The following GPC6 variants were observed in gnomAD, a reference collection of about 807,000 sequenced individuals.
GPC6 encodes glypican-6.
Under a neutral mutation model 55.2 loss-of-function variants are expected in GPC6, and 14 were observed. The observed-to-expected ratio is 0.25, with a 90% CI of 0.17 to 0.40. GPC6 has a LOEUF of 0.40. Among genes scored for constraint, GPC6 ranks in the 10% least tolerant of loss-of-function variants. The probability of loss-of-function intolerance (pLI) is 1.00; values close to 1 mark genes in which losing one functional copy is unlikely to be tolerated. For synonymous variants in GPC6, 278 were observed against 259.6 expected, an observed-to-expected ratio of 1.07 and a Z score of -0.68; for missense variants, 641 against 708.5, an observed-to-expected ratio of 0.90 and a Z score of 1.08.
chr13:93,970,910 T>A (rs1473887192), intron 3 of GPC6, among the ~76,000 whole-genome samples: 1 of 152,206 alleles, frequency 6.6e-6, no homozygotes, highest in Non-Finnish European at 1.5e-5. Flanking sequence ...CAAGATACAA[T>A]GTGGCAAAAT....
chr13:93,743,485 A>G (rs1302158313), intron 2 of GPC6, among the ~76,000 whole-genome samples: 1 of 152,070 alleles, frequency 6.6e-6, no homozygotes, highest in African/African-American at 2.4e-5. Flanking sequence ...ATTTTTCTCT[A>G]ATTTTCATTA....
intron 1 of GPC6, among the ~76,000 whole-genome samples, chr13:93,252,590 G>A (rs2139030307): frequency 6.6e-6 from 1 of 152,220 alleles, no homozygotes; most frequent in Non-Finnish European, 1.5e-5. Flanking sequence ...CTTGTATAGT[G>A]TTTGTCTCTT....
At chr13:93,868,833 T>C (rs1889046036) in intron 3 of GPC6, among the ~76,000 whole-genome samples, 1 of 151,850 alleles carries the variant, frequency 6.6e-6, no homozygotes, top group Admixed American at 6.6e-5. Flanking sequence ...ATCTAAGTGA[T>C]ATCTCCTCTG....
the GPC6 span, among the ~76,000 whole-genome samples, chr13:93,217,967 T>C: frequency 6.6e-6 from 1 of 152,170 alleles, no homozygotes; most frequent in South Asian, 2.1e-4. Flanking sequence ...AGTAATGTCC[T>C]CAACATTGAT....
chr13:93,274,194 T>G (rs1034510846), intron 1 of GPC6, among the ~76,000 whole-genome samples: 35 of 152,206 alleles, frequency 2.3e-4, no homozygotes, highest in African/African-American at 7.0e-4. Context: ...CACCTACAGA[T>G]GTATTCATTA....
intron 1 of GPC6, among the ~76,000 whole-genome samples, chr13:93,251,135 G>A (rs1365358082): frequency 6.6e-6 from 1 of 152,176 alleles, no homozygotes; most frequent in African/African-American, 2.4e-5. Flanking sequence ...AATGATGGGA[G>A]CTACAATTCA....
intron 2 of GPC6, among the ~76,000 whole-genome samples, chr13:93,742,951 C>T (rs1249182363): frequency 4.0e-5 from 6 of 151,552 alleles, no homozygotes; most frequent in Non-Finnish European, 5.9e-5. Flanking sequence ...TAGATCTACA[C>T]GGAGGGAGAA....
chr13:93,287,093 TG>T (rs1292077833), intron 1 of GPC6, among the ~76,000 whole-genome samples: 3 of 152,114 alleles, frequency 2.0e-5, no homozygotes, highest in Admixed American at 6.6e-5. Context: ...TGTTTAAACT[TG>T]GGTCTGACCC....
chr13:93,614,588 T>G (rs1489976898), intron 2 of GPC6, among the ~76,000 whole-genome samples: 7 of 152,204 alleles, frequency 4.6e-5, no homozygotes, highest in African/African-American at 1.7e-4. Context: ...ATGTGGTTTT[T>G]GTTAATATGA....
intron 1 of GPC6, among the ~76,000 whole-genome samples, chr13:93,364,086 G>T (rs1175015610): frequency 6.6e-6 from 1 of 152,102 alleles, no homozygotes; most frequent in Non-Finnish European, 1.5e-5. Context: ...TCTGCAGGTT[G>T]CCTGTTCACT....
chr13:94,381,639 A>G (rs1880163792), intron 6 of GPC6, among the ~76,000 whole-genome samples: 1 of 152,326 alleles, frequency 6.6e-6, no homozygotes, highest in South Asian at 2.1e-4. Flanking sequence ...AAAGAATTCA[A>G]TTCATAACAG....
chr13:93,739,330 G>T (rs1034759358), intron 2 of GPC6, among the ~76,000 whole-genome samples: 1 of 151,804 alleles, frequency 6.6e-6, no homozygotes, highest in Non-Finnish European at 1.5e-5. Flanking sequence ...TATATAAAAG[G>T]GAGTCATTTT....
intron 1 of GPC6, among the ~76,000 whole-genome samples, chr13:93,315,262 T>G (rs916230704): frequency 2.6e-5 from 4 of 152,042 alleles, no homozygotes; most frequent in Non-Finnish European, 5.9e-5. Context: ...TATGAAATTT[T>G]TTGAAGATTG....
At chr13:93,778,123 T>G (rs557119121) in intron 2 of GPC6, among the ~76,000 whole-genome samples, 1 of 152,300 alleles carries the variant, frequency 6.6e-6, no homozygotes, top group Admixed American at 6.5e-5. Context: ...CTGCTTTCCC[T>G]GCTAAATCTG....
intron 1 of GPC6, among the ~76,000 whole-genome samples, chr13:93,321,341 C>G (rs553978768): frequency 6.6e-6 from 1 of 152,180 alleles, no homozygotes; most frequent in Admixed American, 6.5e-5. Flanking sequence ...CCCTTCCCTC[C>G]CCTCCATTTT....
At chr13:94,081,391 T>A (rs1282536720) in intron 4 of GPC6, among the ~76,000 whole-genome samples, 1 of 152,198 alleles carries the variant, frequency 6.6e-6, no homozygotes, top group Non-Finnish European at 1.5e-5. Context: ...TCATGAACAC[T>A]GAAATTCCCA....
At chr13:93,624,657 T>G (rs1429813244) in intron 2 of GPC6, among the ~76,000 whole-genome samples, 2 of 152,154 alleles carry the variant, frequency 1.3e-5, no homozygotes, top group Non-Finnish European at 2.9e-5. Flanking sequence ...AAAAAATAAA[T>G]TATGGTAATG....
chr13:94,114,652 CA>C (rs1886370678), intron 4 of GPC6, among the ~76,000 whole-genome samples: 1 of 152,074 alleles, frequency 6.6e-6, no homozygotes, highest in African/African-American at 2.4e-5. Flanking sequence ...CTATGACATA[CA>C]ATGACTAACC....
At chr13:93,453,139 A>G (rs531311065) in intron 1 of GPC6, among the ~76,000 whole-genome samples, 58 of 152,334 alleles carry the variant, frequency 3.8e-4, no homozygotes, top group Non-Finnish European at 7.1e-4. Context: ...AGCCTTGGAC[A>G]TTGCCTAATT....
Sources: gnomAD v4.1 joint callset for allele counts (sites outside exome capture counted in the v4.1 genomes callset) on GRCh38, gnomAD v4.1.1 for gene constraint, MANE v1.5 for transcripts, NCBI Gene and HGNC (gene_info 2026-07-23, HGNC 2026-07-21) for gene names.